EPB41L4A: variants seen among roughly 807,000 people sequenced by gnomAD.
The protein encoded by EPB41L4A is erythrocyte membrane protein band 4.1 like 4A, also known as band 4.1-like protein 4A.
A neutral mutation model predicts 108.6 loss-of-function variants in EPB41L4A; 100 were observed. The ratio of observed to expected loss-of-function variants is 0.92; its 90% CI spans 0.78 to 1.09. EPB41L4A has a LOEUF of 1.09. EPB41L4A is among the 50% of genes least tolerant of loss of function. EPB41L4A has a pLI of 0.00. For synonymous variants in EPB41L4A, 319 were observed against 289.0 expected, an observed-to-expected ratio of 1.10 and a Z score of -1.05; for missense variants, 1,030 against 842.7, an observed-to-expected ratio of 1.22 and a Z score of -2.75.
chr5:112,406,940 G>C (rs745627146), intron 1 of EPB41L4A, among the ~76,000 whole-genome samples: 10 of 152,088 alleles, frequency 6.6e-5, no homozygotes, highest in Non-Finnish European at 1.0e-4. Flanking sequence ...CCACTCTGTT[G>C]TAATTATGTC....
chr5:112,169,573 T>C (rs914552462), intron 20 of EPB41L4A, among the ~76,000 whole-genome samples: 20 of 150,078 alleles, frequency 1.3e-4, no homozygotes, highest in Non-Finnish European at 2.4e-4. Context: ...TGTGAGGTGA[T>C]AGATACATTA....
chr5:112,405,133 C>T (rs7702999), intron 1 of EPB41L4A, among the ~76,000 whole-genome samples: 13,760 of 152,208 alleles, frequency 0.09, 1,998 homozygotes, highest in African/African-American at 0.3. Flanking sequence ...CCATCTTGAG[C>T]TCGCATTCTC....
chr5:112,276,313 T>C (rs1449228558), intron 3 of EPB41L4A, among the ~76,000 whole-genome samples: 1 of 152,182 alleles, frequency 6.6e-6, no homozygotes. Context: ...GAATTGTATG[T>C]ACATGGGCAA....
intron 1 of EPB41L4A, among the ~76,000 whole-genome samples, chr5:112,411,095 T>G (rs1274768222): frequency 6.6e-6 from 1 of 152,174 alleles, no homozygotes. Context: ...GCATCTTTAC[T>G]GATAGAGTGT....
chr5:112,177,400 T>C (rs1760922876), intron 18 of EPB41L4A, among the ~76,000 whole-genome samples: 1 of 152,228 alleles, frequency 6.6e-6, no homozygotes, highest in African/African-American at 2.4e-5. Context: ...CCTACTTGGA[T>C]AATCCAGGAT....
At chr5:112,237,791 A>G (rs1749457379) in intron 11 of EPB41L4A, among the ~76,000 whole-genome samples, 1 of 152,192 alleles carries the variant, frequency 6.6e-6, no homozygotes, top group Non-Finnish European at 1.5e-5. Flanking sequence ...ACCTCTGGGC[A>G]TCGTCTTTCT....
chr5:112,165,584 C>T (rs558373206), intron 22 of EPB41L4A, among the ~76,000 whole-genome samples: 1 of 152,332 alleles, frequency 6.6e-6, no homozygotes, highest in Admixed American at 6.5e-5. Context: ...AGAGCCTGGG[C>T]ACCACATCCA....
intron 1 of EPB41L4A, among the ~76,000 whole-genome samples, chr5:112,387,532 G>A (rs1460916635): frequency 6.6e-6 from 1 of 152,228 alleles, no homozygotes; most frequent in Non-Finnish European, 1.5e-5. Flanking sequence ...GGGAGGCTGA[G>A]GCAGGAGAAT....
chr5:112,249,472 T>G (rs978916605), intron 9 of EPB41L4A: 6 of 152,204 alleles, frequency 3.9e-5, no homozygotes, highest in Admixed American at 3.3e-4. Context: ...TTGAAAAATT[T>G]TATCTTTCTA....
intron 1 of EPB41L4A, among the ~76,000 whole-genome samples, chr5:112,317,323 C>G (rs532114680): frequency 6.6e-6 from 1 of 152,264 alleles, no homozygotes; most frequent in South Asian, 2.1e-4. Context: ...TACTTTGTTT[C>G]ATTTAATCTC....
chr5:112,358,431 G>A (rs905033291), intron 1 of EPB41L4A, among the ~76,000 whole-genome samples: 3 of 152,182 alleles, frequency 2.0e-5, no homozygotes, highest in Non-Finnish European at 2.9e-5. Flanking sequence ...AACCAGAAAA[G>A]AATTTCTTAA....
intron 2 of EPB41L4A, among the ~76,000 whole-genome samples, chr5:112,282,552 T>C (rs578057980): frequency 6.6e-6 from 1 of 152,196 alleles, no homozygotes; most frequent in African/African-American, 2.4e-5. Flanking sequence ...AAAATCAAGA[T>C]GTCAGCCTGC....
At chr5:112,211,936 T>C (rs1762765401) in intron 12 of EPB41L4A, among the ~76,000 whole-genome samples, 1 of 152,326 alleles carries the variant, frequency 6.6e-6, no homozygotes, top group South Asian at 2.1e-4. Flanking sequence ...GGTAAGCTCA[T>C]GCTGGAGCCA....
At chr5:112,145,352 T>C (rs1488225279) in intron 13 of EPB41L4A, among the ~76,000 whole-genome samples, 1 of 152,228 alleles carries the variant, frequency 6.6e-6, no homozygotes, top group African/African-American at 2.4e-5. Flanking sequence ...ACCACCATTT[T>C]AGAGATCTTA....
At chr5:112,400,544 AAG>A (rs1449565695) in intron 1 of EPB41L4A, among the ~76,000 whole-genome samples, 2 of 151,842 alleles carry the variant, frequency 1.3e-5, no homozygotes. Flanking sequence ...AGGAGCAAGA[AAG>A]AAAGTGTCAG....
intron 12 of EPB41L4A, among the ~76,000 whole-genome samples, chr5:112,216,012 C>T (rs531577843): frequency 1.3e-5 from 2 of 152,210 alleles, no homozygotes; most frequent in Admixed American, 6.5e-5. Flanking sequence ...TTCATTTGTT[C>T]GTTTTTAATA....
chr5:112,344,746 C>A (rs906971644), intron 1 of EPB41L4A, among the ~76,000 whole-genome samples: 14 of 152,242 alleles, frequency 9.2e-5, no homozygotes, highest in African/African-American at 3.4e-4. Flanking sequence ...GAGGTGCTGC[C>A]CTATGGAAGT....
intron 1 of EPB41L4A, among the ~76,000 whole-genome samples, chr5:112,358,284 T>G (rs1758495329): frequency 1.3e-5 from 2 of 152,222 alleles, no homozygotes; most frequent in Non-Finnish European, 2.9e-5. Flanking sequence ...ATGAATTTAT[T>G]TTTTACTCTC....
chr5:112,245,055 T>C (rs935840740), intron 9 of EPB41L4A, among the ~76,000 whole-genome samples: 1 of 151,822 alleles, frequency 6.6e-6, no homozygotes, highest in African/African-American at 2.4e-5. Context: ...GCCACAAATC[T>C]TCAATTTGTA....
Sources: allele counts gnomAD v4.1 joint callset (sites outside exome capture counted in the v4.1 genomes callset), GRCh38; gene constraint gnomAD v4.1.1; transcripts MANE v1.5; gene names NCBI Gene and HGNC (gene_info 2026-07-23, HGNC 2026-07-21).